The following LRFN2 variants were observed in gnomAD, a reference collection of about 807,000 sequenced individuals.
The protein encoded by LRFN2 is leucine-rich repeat and fibronectin type-III domain-containing protein 2.
A neutral mutation model predicts 37.3 loss-of-function variants in LRFN2; 18 were observed. That is an observed-to-expected ratio of 0.48 (90% CI 0.33 to 0.72). The LOEUF (loss-of-function observed/expected upper bound fraction) is 0.72, where lower values mean the gene tolerates loss of function less well. Ranked by LOEUF, LRFN2 falls within the 30% of genes least tolerant of loss-of-function variation. The pLI is 0.02. For missense variants in LRFN2, 1,006 were observed against 1,060.7 expected, an observed-to-expected ratio of 0.95 and a Z score of 0.72; for synonymous variants, 556 against 466.6, an observed-to-expected ratio of 1.19 and a Z score of -2.47.
chr6:40,395,181 G>A (rs767828622), intron 2 of LRFN2, among the ~76,000 whole-genome samples: 17 of 152,138 alleles, frequency 1.1e-4, no homozygotes, highest in Non-Finnish European at 1.8e-4. Flanking sequence ...TGTAAAGGCA[G>A]TGATCAGTAC....
chr6:40,421,474 A>G (rs927701794), intron 2 of LRFN2, among the ~76,000 whole-genome samples: 1 of 152,202 alleles, frequency 6.6e-6, no homozygotes, highest in Non-Finnish European at 1.5e-5. Context: ...GGTAATAGGT[A>G]GATTTAAAGA....
At chr6:40,470,249 C>G (rs1764562267) in intron 1 of LRFN2, among the ~76,000 whole-genome samples, 1 of 152,226 alleles carries the variant, frequency 6.6e-6, no homozygotes. Context: ...CCCACTCCTT[C>G]CACACCTGCT....
intron 1 of LRFN2, among the ~76,000 whole-genome samples, chr6:40,508,577 C>T (rs1202720564): frequency 6.6e-6 from 1 of 152,192 alleles, no homozygotes; most frequent in Admixed American, 6.5e-5. Flanking sequence ...CTACTGCATA[C>T]TAGTGGGTCA....
rs1325688117 is a variant in LRFN2 at position 40,587,340 on chromosome 6, G to A, written c.-418C>T. On this transcript the variant is annotated 5_prime_UTR_variant, in exon 1 of 3. Coordinates refer to ENST00000338305, the MANE Select transcript of LRFN2 (RefSeq NM_020737.3). The surrounding 1 kb of genome is among the most constrained non-coding windows in gnomAD (Gnocchi z 4.2). The stretch of plus-strand genomic sequence containing the variant: ...CTTCAAGTTCAGACGAGCCTGCCGG[G>A]TTGTGTATGTGTGAGTGTATGTGTG... The A allele has an allele frequency of 1.3e-5, 2 of 152,142 alleles. No homozygotes were observed. Among genetic ancestry groups the A allele is most frequent in the Non-Finnish European group, 2.9e-5 (2 of 68,018 alleles). 9.4% of individuals were successfully genotyped at this position (152,142 alleles called of 1,614,324 possible). A position where few individuals can be genotyped will look rare whatever the true frequency, so the allele number is the denominator to read the frequency against.
intron 2 of LRFN2, among the ~76,000 whole-genome samples, chr6:40,403,101 G>C (rs1006773735): frequency 2.0e-5 from 3 of 152,228 alleles, no homozygotes; most frequent in African/African-American, 7.2e-5. Context: ...CCAACTCTGA[G>C]ATTGGCTGCT....
intron 1 of LRFN2, among the ~76,000 whole-genome samples, chr6:40,558,148 A>T (rs562974921): frequency 6.6e-6 from 1 of 152,260 alleles, no homozygotes; most frequent in East Asian, 1.9e-4. Context: ...GGGAATGAGT[A>T]AGCTGAGGCC....
At chr6:40,565,502 A>AACCAAAACAGCATGGTATTGGT (rs1332215313) in intron 1 of LRFN2, among the ~76,000 whole-genome samples, 1 of 152,240 alleles carries the variant, frequency 6.6e-6, no homozygotes, top group Non-Finnish European at 1.5e-5. Flanking sequence ...AGGCTACAGT[A>AACCAAAACAGCATGGTATTGGT]ACCAAAACAG....
At chr6:40,414,725 A>G (rs1328875596) in intron 2 of LRFN2, among the ~76,000 whole-genome samples, 1 of 152,236 alleles carries the variant, frequency 6.6e-6, no homozygotes, top group Non-Finnish European at 1.5e-5. Flanking sequence ...AAAAGGCTTG[A>G]GTGAGAAGCT....
At chr6:40,570,651 G>A (rs1767171765) in intron 1 of LRFN2, among the ~76,000 whole-genome samples, 1 of 152,178 alleles carries the variant, frequency 6.6e-6, no homozygotes, top group South Asian at 2.1e-4. Flanking sequence ...TGCTCTTAGT[G>A]AGAGCAGCAA....
chr6:40,443,373 T>C (rs938390629), intron 1 of LRFN2, among the ~76,000 whole-genome samples: 3 of 152,218 alleles, frequency 2.0e-5, no homozygotes, highest in African/African-American at 7.2e-5. Flanking sequence ...CACAATAGGC[T>C]GCCCTAACTC....
chr6:40,531,222 C>T (rs933679337), intron 1 of LRFN2, among the ~76,000 whole-genome samples: 1 of 152,186 alleles, frequency 6.6e-6, no homozygotes, highest in Admixed American at 6.5e-5. Context: ...AATATTTAGT[C>T]TTTGATGCCT....
chr6:40,393,010 G>A, intron 2 of LRFN2, 98 bp from the exon 3 acceptor site: 1 of 1,066,580 alleles, frequency 9.4e-7, no homozygotes, highest in Non-Finnish European at 1.3e-6. Flanking sequence ...ACAGAGATGG[G>A]GAGGGGGAGG....
intron 1 of LRFN2, among the ~76,000 whole-genome samples, chr6:40,556,509 G>C (rs4601126): frequency 4.0e-5 from 6 of 151,416 alleles, no homozygotes; most frequent in African/African-American, 9.7e-5. Context: ...GAGCTCACCT[G>C]CACCCTGATT....
At chr6:40,461,045 T>C (rs1764337056) in intron 1 of LRFN2, among the ~76,000 whole-genome samples, 1 of 152,058 alleles carries the variant, frequency 6.6e-6, no homozygotes, top group Non-Finnish European at 1.5e-5. Context: ...AGCCAGGCAA[T>C]CAGGAAGCAT....
intron 1 of LRFN2, among the ~76,000 whole-genome samples, chr6:40,458,535 C>T (rs1245204789): frequency 1.3e-5 from 2 of 152,176 alleles, no homozygotes; most frequent in African/African-American, 2.4e-5. Context: ...CATAAAGTCT[C>T]AGCTTTCTCC....
Position 40,432,234 on chromosome 6 carries a change from G to A in LRFN2, c.880C>T (p.His294Tyr). The change falls in exon 2 of 3, where the codon CAC becomes TAC. Residue 294 changes from histidine (H) to tyrosine (Y), a missense_variant. His to Tyr is a moderately conservative substitution (Grantham distance 83). Around this residue, in one of 4 missense-constraint regions of LRFN2, gnomAD observed 303 missense variants for 299.8 expected, o/e 1.01. Coordinates refer to ENST00000338305, the MANE Select transcript of LRFN2 (RefSeq NM_020737.3). ...TCCAGAACCAGCAACTTGTGTGTGTGCTGGGTGATGAGAGGCGGCTCGCAC... is the reference window on the plus strand; with the variant it reads ...TCCAGAACCAGCAACTTGTGTGTGTACTGGGTGATGAGAGGCGGCTCGCAC... ...FVCEPPLITQ[H>Y]THKLLVLEGQ... 1 of 1,614,016 alleles carries A rather than the reference G, an allele frequency of 6.2e-7. No individual in the cohort carries two copies. The highest frequency in any genetic ancestry group is 8.5e-7 in the Non-Finnish European group (1 of 1,180,032).
At chr6:40,398,407 C>T (rs1288890198) in intron 2 of LRFN2, among the ~76,000 whole-genome samples, 2 of 151,830 alleles carry the variant, frequency 1.3e-5, no homozygotes, top group Non-Finnish European at 2.9e-5. Context: ...TCTCTGCCGC[C>T]GACCTTCTGC....
At chr6:40,437,214 TC>T (rs1187804934) in intron 1 of LRFN2, among the ~76,000 whole-genome samples, 1 of 152,096 alleles carries the variant, frequency 6.6e-6, no homozygotes, top group Non-Finnish European at 1.5e-5. Flanking sequence ...TCTTCCACTG[TC>T]CCTCCAGATC....
chr6:40,472,652 G>T (rs1290382159), intron 1 of LRFN2, among the ~76,000 whole-genome samples: 2 of 152,156 alleles, frequency 1.3e-5, no homozygotes, highest in Non-Finnish European at 2.9e-5. Flanking sequence ...CACTTCAGAA[G>T]CTGCATCCTA....
Sources: allele counts gnomAD v4.1 joint callset (sites outside exome capture counted in the v4.1 genomes callset), GRCh38; gene constraint gnomAD v4.1.1; regional missense constraint gnomAD v4.1.1; non-coding constraint Gnocchi (gnomAD v3.1); transcripts MANE v1.5; gene names NCBI Gene and HGNC (gene_info 2026-07-23, HGNC 2026-07-21).